Variants in ASIC2 observed in about 807,000 individuals in gnomAD.
ASIC2 encodes the protein acid-sensing ion channel 2.
ASIC2 carries 25 observed loss-of-function variants against 57.3 expected under a neutral mutation model. That is an observed-to-expected ratio of 0.44 (90% confidence interval 0.32 to 0.61). ASIC2 has a LOEUF of 0.61. ASIC2 is among the 20% of genes least tolerant of loss of function. ASIC2 has a pLI of 0.06. For missense variants in ASIC2, 641 were observed against 738.1 expected (o/e 0.87, Z 1.52); for synonymous variants, 319 against 307.5 (o/e 1.04, Z -0.39).
At chr17:33,829,784 C>T (rs996181915) in intron 1 of ASIC2, among the ~76,000 whole-genome samples, 3 of 152,010 alleles carry the variant, frequency 2.0e-5, no homozygotes, top group African/African-American at 4.8e-5. Context: ...AGACTTGTCT[C>T]GAAACTCTGA....
intron 1 of ASIC2, among the ~76,000 whole-genome samples, chr17:33,350,508 C>T (rs569324388): frequency 1.3e-5 from 2 of 152,042 alleles, no homozygotes; most frequent in Admixed American, 6.6e-5. Context: ...GACGAAACCC[C>T]GTCTCTACTA....
At chr17:33,712,878 C>T (rs1909095594) in intron 1 of ASIC2, among the ~76,000 whole-genome samples, 1 of 151,990 alleles carries the variant, frequency 6.6e-6, no homozygotes, top group Non-Finnish European at 1.5e-5. Context: ...ATCTCCTGAC[C>T]TCGTGATCCG....
intron 3 of ASIC2, among the ~76,000 whole-genome samples, chr17:33,039,752 C>T (rs2091922899): frequency 6.6e-6 from 1 of 152,156 alleles, no homozygotes; most frequent in Non-Finnish European, 1.5e-5. Context: ...GAGGGGGCTA[C>T]CTCAGAGCAA....
rs138148606 is a variant in ASIC2 at position 33,766,538 on chromosome 17, T to G, written c.555+389440A>C. On this transcript the variant is annotated intron_variant, in intron 1 of 9. Coordinates refer to the ASIC2 transcript ENST00000359872. ...CAGACTTCTCAACCTCCATGTTCTGTGCCTCACCAGGGTGTTGAGCTAGGG... is the reference window on the plus strand; with the variant it reads ...CAGACTTCTCAACCTCCATGTTCTGGGCCTCACCAGGGTGTTGAGCTAGGG... 3.2e-3 allele frequency among the ~76,000 whole-genome samples: 491 copies of G among 152,346 alleles called. 4 individuals carry two copies. Among genetic ancestry groups the G allele is most frequent in the African/African-American group, 0.011 (474 of 41,594 alleles).
At chr17:34,122,865 T>C (rs1157902818) in intron 1 of ASIC2, among the ~76,000 whole-genome samples, 2 of 152,244 alleles carry the variant, frequency 1.3e-5, no homozygotes, top group African/African-American at 2.4e-5. Context: ...TTCTCCATAA[T>C]GGAGTCACTA....
At chr17:33,110,527 C>T (rs1047782317) in intron 2 of ASIC2, among the ~76,000 whole-genome samples, 2 of 152,296 alleles carry the variant, frequency 1.3e-5, no homozygotes, top group African/African-American at 4.8e-5. Context: ...ATGGCACTGG[C>T]GCAGTGACAT....
intron 1 of ASIC2, among the ~76,000 whole-genome samples, chr17:34,130,165 G>A (rs1247805357): frequency 5.3e-5 from 8 of 152,222 alleles, no homozygotes; most frequent in Non-Finnish European, 1.0e-4. Context: ...AAGACAGAAT[G>A]CTCTGACTGA....
At chr17:33,686,204 G>A (rs1908180934) in intron 1 of ASIC2, among the ~76,000 whole-genome samples, 1 of 152,194 alleles carries the variant, frequency 6.6e-6, no homozygotes, top group African/African-American at 2.4e-5. Context: ...GCAGGGGTAT[G>A]AAGGTGCAAG....
At chr17:33,428,741 C>T (rs1597725176) in intron 1 of ASIC2, among the ~76,000 whole-genome samples, 1 of 152,192 alleles carries the variant, frequency 6.6e-6, no homozygotes, top group African/African-American at 2.4e-5. Flanking sequence ...GCCCACTTCT[C>T]CACTGACGGA....
intron 1 of ASIC2, among the ~76,000 whole-genome samples, chr17:34,149,114 C>CTTT (rs34036498): frequency 0.019 from 2,644 of 141,734 alleles, 44 homozygotes; most frequent in East Asian, 0.062. Context: ...TTTTTCTTTT[C>CTTT]TTTTTTTTTT....
intron 1 of ASIC2, among the ~76,000 whole-genome samples, chr17:33,305,841 T>C (rs571626150): frequency 6.6e-6 from 1 of 152,356 alleles, no homozygotes; most frequent in Non-Finnish European, 1.5e-5. Flanking sequence ...ATGACACTTC[T>C]TTGTAAGAGA....
At position 33,696,324 on chromosome 17, in the gene ASIC2, G is replaced by A. The variant is rs538146444; in HGVS notation, c.555+459654C>T. Among the ~76,000 whole-genome samples the A allele has an allele frequency of 5.3e-4, 80 of 152,298 alleles. No homozygotes were observed. In the Middle Eastern group the frequency reaches 0.01, roughly 19 times the overall value. ...CCGTATCTGAAATACCATCTGTGTCGCTGTCACAACAGTGCTGGAGGCTCT... is the reference window on the plus strand; with the variant it reads ...CCGTATCTGAAATACCATCTGTGTCACTGTCACAACAGTGCTGGAGGCTCT... On this transcript the variant is annotated intron_variant, in intron 1 of 9. Coordinates refer to the ASIC2 transcript ENST00000359872.
At chr17:33,413,890 T>G (rs1910746827) in intron 1 of ASIC2, among the ~76,000 whole-genome samples, 1 of 152,196 alleles carries the variant, frequency 6.6e-6, no homozygotes. Context: ...GATTCTTAGG[T>G]TTCTCCCTGG....
At chr17:33,538,060 A>G (rs905010071) in intron 1 of ASIC2, among the ~76,000 whole-genome samples, 1 of 152,232 alleles carries the variant, frequency 6.6e-6, no homozygotes, top group African/African-American at 2.4e-5. Context: ...CTAAAGGAAT[A>G]GAAGATTAAA....
At chr17:33,638,563 TAC>T (rs34933757) in intron 1 of ASIC2, among the ~76,000 whole-genome samples, 9,379 of 150,926 alleles carry the variant, frequency 0.062, 743 homozygotes, top group African/African-American at 0.18. Context: ...GCCTAGTTTG[TAC>T]ACACACACAC....
intron 1 of ASIC2, among the ~76,000 whole-genome samples, chr17:33,121,376 G>A (rs530958877): frequency 3.3e-5 from 5 of 152,334 alleles, no homozygotes; most frequent in African/African-American, 1.2e-4. Flanking sequence ...ACTGGGTGGT[G>A]CCAGGCACTG....
intron 2 of ASIC2, among the ~76,000 whole-genome samples, chr17:33,103,423 C>T (rs2092222107): frequency 6.6e-6 from 1 of 152,194 alleles, no homozygotes; most frequent in Non-Finnish European, 1.5e-5. Flanking sequence ...AGCAGCCTGG[C>T]TCTATATCTT....
At chr17:34,003,917 C>G (rs1434431910) in intron 1 of ASIC2, 1 of 152,204 alleles carries the variant, frequency 6.6e-6, no homozygotes, top group East Asian at 1.9e-4. Flanking sequence ...CCCTGGCTTC[C>G]TTTTTTCTGC....
chr17:33,242,313 CA>C (rs34667054), intron 1 of ASIC2, among the ~76,000 whole-genome samples: 40,074 of 110,708 alleles, frequency 0.36, 5,444 homozygotes, highest in Middle Eastern at 0.45. Flanking sequence ...GAGACTCCGT[CA>C]AAAAAAAAAA....
Sources: gnomAD v4.1 joint callset for allele counts (sites outside exome capture counted in the v4.1 genomes callset) on GRCh38, gnomAD v4.1.1 for gene constraint, MANE v1.5 for transcripts, NCBI Gene and HGNC (gene_info 2026-07-23, HGNC 2026-07-21) for gene names.